EXOC4: variants seen among roughly 807,000 people sequenced by gnomAD.
EXOC4 encodes the protein exocyst complex component 4.
EXOC4 carries 71 observed loss-of-function variants against 107.2 expected under a neutral mutation model. The observed-to-expected ratio is 0.66, with a 90% CI of 0.55 to 0.81. The LOEUF (loss-of-function observed/expected upper bound fraction) is 0.81. EXOC4 is among the 30% of genes least tolerant of loss of function. EXOC4 has a pLI of 0.00. For missense variants in EXOC4, 1,108 were observed against 1,189.6 expected (o/e 0.93, Z 1.01); for synonymous variants, 456 against 441.2 (o/e 1.03, Z -0.42).
chr7:133,407,724 T>A (rs1382529941), intron 7 of EXOC4, among the ~76,000 whole-genome samples: 2 of 152,186 alleles, frequency 1.3e-5, no homozygotes, highest in Non-Finnish European at 2.9e-5. Flanking sequence ...ATTACCAACC[T>A]ATGGACCATT....
At chr7:133,534,057 A>G (rs892092005) in intron 9 of EXOC4, among the ~76,000 whole-genome samples, 9 of 152,132 alleles carry the variant, frequency 5.9e-5, no homozygotes, top group Admixed American at 5.2e-4. Context: ...TAGGTCAGAG[A>G]ATTTTATTTC....
chr7:133,610,930 G>A (rs2150996604), intron 9 of EXOC4, among the ~76,000 whole-genome samples: 1 of 150,402 alleles, frequency 6.6e-6, no homozygotes, highest in East Asian at 2.0e-4. Flanking sequence ...TCCCACCTCA[G>A]CCTCCCAAGG....
intron 9 of EXOC4, among the ~76,000 whole-genome samples, chr7:133,559,862 T>A (rs1800773880): frequency 6.6e-6 from 1 of 152,222 alleles, no homozygotes; most frequent in African/African-American, 2.4e-5. Flanking sequence ...ATCTCAGATT[T>A]GTGTCAGTTG....
At chr7:133,717,739 G>T (rs1304234561) in intron 10 of EXOC4, among the ~76,000 whole-genome samples, 2 of 152,042 alleles carry the variant, frequency 1.3e-5, no homozygotes, top group Non-Finnish European at 2.9e-5. Context: ...TTTATATCTG[G>T]GCCTGTTGAA....
chr7:133,996,292 A>G (rs1389329317), intron 14 of EXOC4, among the ~76,000 whole-genome samples: 1 of 152,198 alleles, frequency 6.6e-6, no homozygotes, highest in African/African-American at 2.4e-5. Context: ...AAATTTAAAT[A>G]ATTAGCTCTT....
At chr7:133,991,263 A>T (rs1794252176) in intron 14 of EXOC4, among the ~76,000 whole-genome samples, 1 of 151,450 alleles carries the variant, frequency 6.6e-6, no homozygotes, top group South Asian at 2.1e-4. Flanking sequence ...TTATAGTCAG[A>T]TTATTTGTTG....
intron 10 of EXOC4, among the ~76,000 whole-genome samples, chr7:133,780,825 G>C (rs757633640): frequency 1.3e-5 from 2 of 152,156 alleles, no homozygotes; most frequent in Non-Finnish European, 1.5e-5. Context: ...TCTAAAGGGG[G>C]CACTTCCATG....
At chr7:133,980,955 T>A (rs2116915552) in intron 14 of EXOC4, among the ~76,000 whole-genome samples, 1 of 152,286 alleles carries the variant, frequency 6.6e-6, no homozygotes, top group Non-Finnish European at 1.5e-5. Context: ...TCAATCAGCC[T>A]GCACAGGGAC....
chr7:133,772,666 A>G (rs1441417838), intron 10 of EXOC4, among the ~76,000 whole-genome samples: 1 of 152,126 alleles, frequency 6.6e-6, no homozygotes, highest in Non-Finnish European at 1.5e-5. Context: ...TGAGGTAGAA[A>G]CCATGTTGAA....
At chr7:133,342,145 A>G (rs1348439791) in intron 5 of EXOC4, among the ~76,000 whole-genome samples, 1 of 150,958 alleles carries the variant, frequency 6.6e-6, no homozygotes, top group Non-Finnish European at 1.5e-5. Flanking sequence ...TGTGAAATTT[A>G]TGATTTAAGG....
intron 11 of EXOC4, among the ~76,000 whole-genome samples, chr7:133,854,165 A>C (rs569904014): frequency 6.6e-6 from 1 of 152,206 alleles, no homozygotes; most frequent in South Asian, 2.1e-4. Context: ...GAGGCCTTAT[A>C]ATAACACATC....
chr7:133,643,594 A>G (rs1802914296), intron 10 of EXOC4, among the ~76,000 whole-genome samples: 1 of 152,170 alleles, frequency 6.6e-6, no homozygotes, highest in African/African-American at 2.4e-5. Flanking sequence ...TAAAGACAAT[A>G]ATAAGGTCAA....
the EXOC4 span, among the ~76,000 whole-genome samples, chr7:134,080,684 C>T: frequency 6.6e-6 from 1 of 151,886 alleles, no homozygotes; most frequent in African/African-American, 2.4e-5. Flanking sequence ...GTCTCATGCC[C>T]ATAATCCCAT....
intron 14 of EXOC4, 45 bp from the exon 15 acceptor site, chr7:133,997,447 G>A (rs758787139): frequency 6.2e-7 from 1 of 1,606,186 alleles, no homozygotes; most frequent in South Asian, 1.1e-5. Flanking sequence ...AGAAAAATCT[G>A]TAGGCATCTA....
At chr7:133,354,336 T>A (rs967512964) in intron 5 of EXOC4, among the ~76,000 whole-genome samples, 1 of 152,170 alleles carries the variant, frequency 6.6e-6, no homozygotes, top group Non-Finnish European at 1.5e-5. Context: ...TTATAAATTA[T>A]TGTAGTCAGT....
intron 14 of EXOC4, among the ~76,000 whole-genome samples, chr7:133,969,307 T>C (rs937925046): frequency 2.0e-5 from 3 of 152,062 alleles, no homozygotes; most frequent in Non-Finnish European, 4.4e-5. Flanking sequence ...CTTGGAGGAG[T>C]TTGTTATTAC....
intron 10 of EXOC4, among the ~76,000 whole-genome samples, chr7:133,673,781 A>G (rs576157872): frequency 1.3e-5 from 2 of 152,320 alleles, no homozygotes; most frequent in Middle Eastern, 3.4e-3. Context: ...TCTGTTAAGT[A>G]TGTTTTTCAA....
intron 9 of EXOC4, among the ~76,000 whole-genome samples, chr7:133,578,001 G>A (rs1157815011): frequency 6.6e-6 from 1 of 152,184 alleles, no homozygotes; most frequent in Non-Finnish European, 1.5e-5. Flanking sequence ...AAAGATGATA[G>A]ATTTTCAGAA....
Position 134,005,172 on chromosome 7 carries a change from A to G in EXOC4, c.2527+82A>G, listed in dbSNP as rs1251516816. The G allele has an allele frequency of 3.6e-6, 5 of 1,393,958 alleles. No homozygotes were observed. In the African/African-American group the frequency reaches 5.8e-5, roughly 16 times the overall value. The allele number at this position is 1,393,958 out of a possible 1,614,324, so 86.3% of individuals were successfully genotyped here. On this transcript the variant is annotated intron_variant, in intron 16 of 17. Transcript: ENST00000253861. ...CTGATTTTCTGTATTACTGAAGTTC[A>G]AGACTTGTAGAAAAGAGTTGTTTGC...
Sources: gnomAD v4.1 joint callset for allele counts (sites outside exome capture counted in the v4.1 genomes callset) on GRCh38, gnomAD v4.1.1 for gene constraint, MANE v1.5 for transcripts, NCBI Gene and HGNC (gene_info 2026-07-23, HGNC 2026-07-21) for gene names.